PCDHGA12: variants seen among roughly 807,000 people sequenced by gnomAD.
PCDHGA12 encodes protocadherin gamma-A12.
Under a neutral mutation model 61.1 loss-of-function variants are expected in PCDHGA12, and 43 were observed. The ratio of observed to expected loss-of-function variants is 0.70; its 90% CI spans 0.55 to 0.91. PCDHGA12 has a LOEUF of 0.91. Ranked by LOEUF, PCDHGA12 falls within the 40% of genes least tolerant of loss-of-function variation. The pLI is 0.00. For missense variants in PCDHGA12, 1,236 were observed against 1,227.7 expected, an observed-to-expected ratio of 1.01 and a Z score of -0.10; for synonymous variants, 520 against 542.9, an observed-to-expected ratio of 0.96 and a Z score of 0.59.
rs369886570 is a variant in PCDHGA12 at position 141,487,839 on chromosome 5, G to A, written c.2425-6968G>A. ...GGGGGCGGGTCATGCCTATATCTGAGTAAGAAATGAAAGTAATTGGTGATC... is the reference window on the plus strand; with the variant it reads ...GGGGGCGGGTCATGCCTATATCTGAATAAGAAATGAAAGTAATTGGTGATC... On this transcript the variant is annotated intron_variant, in intron 1 of 3. Transcript: ENST00000252085. The surrounding 1 kb of genome is among the most constrained non-coding windows in gnomAD (Gnocchi z 5.0). The A allele has an allele frequency of 2.7e-6, 3 of 1,103,412 alleles. No homozygotes were observed. Among genetic ancestry groups the A allele is most frequent in the African/African-American group, 1.6e-5 (1 of 63,054 alleles). The allele number at this position is 1,103,412 out of a possible 1,614,324, so 68.4% of individuals were successfully genotyped here.
In PCDHGA12 at chr5:141,489,720, G is replaced by A. The variant is rs560729125; in HGVS notation, c.2425-5087G>A. ...TCCCACTGGACAGTGCCCAGGATCC[G>A]GATGTGGGCACCAATACTGTGAGCT... On this transcript the variant is annotated intron_variant, in intron 1 of 3. Transcript: ENST00000252085. The surrounding 1 kb of genome is among the most constrained non-coding windows in gnomAD (Gnocchi z 4.5). The A allele has an allele frequency of 3.2e-5, 51 of 1,614,200 alleles. No individual in the cohort carries two copies. The highest frequency in any genetic ancestry group is 9.3e-5 in the African/African-American group (7 of 75,048).
intron 1 of PCDHGA12, among the ~76,000 whole-genome samples, chr5:141,443,695 A>G (rs1324985529): frequency 1.3e-5 from 2 of 152,272 alleles, no homozygotes; most frequent in Non-Finnish European, 2.9e-5. Context: ...TTCAAAAATT[A>G]TAGAATAACA....
In PCDHGA12 at chr5:141,512,088, A is replaced by G. The variant is rs192947391; in HGVS notation, c.*915A>G. 2.6e-5 allele frequency: 4 copies of G among 152,772 alleles called. No individual in the cohort carries two copies. Among genetic ancestry groups the G allele is most frequent in the Admixed American group, 6.5e-5 (1 of 15,306 alleles). 9.5% of individuals were successfully genotyped at this position (152,772 alleles called of 1,614,324 possible). On this transcript the variant is annotated 3_prime_UTR_variant, in exon 4 of 4. Transcript: ENST00000252085. ...TCCTCCAGATTCCAGCCATAAACCAATAACTAGGCTGGACCCTTCCCACTA... is the reference window on the plus strand; with the variant it reads ...TCCTCCAGATTCCAGCCATAAACCAGTAACTAGGCTGGACCCTTCCCACTA...
chr5:141,494,903 G>A (rs760748707), intron 2 of PCDHGA12, 38 bp downstream of exon 2: 39 of 1,613,894 alleles, frequency 2.4e-5, no homozygotes, highest in Non-Finnish European at 3.1e-5. Context: ...TCTTCTCTGC[G>A]GCATTTTCTC....
In PCDHGA12 at chr5:141,433,837, CA is replaced by C. The variant is rs56191208; in HGVS notation, c.2424+672del. ...GGGCAACAAGAGTGAAACTCTATCT[CA>C]AAAAAAAAAAAAAAAAACTTTATCC... On this transcript the variant is annotated intron_variant, in intron 1 of 3. Coordinates refer to ENST00000252085, the MANE Select transcript of PCDHGA12 (RefSeq NM_003735.3). Among the ~76,000 whole-genome samples, 895 of 111,670 alleles carry C rather than the reference CA, an allele frequency of 8.0e-3. 6 individuals carry two copies. Among genetic ancestry groups the C allele is most frequent in the South Asian group, 0.02 (67 of 3,288 alleles). The allele number at this position is 111,670 out of a possible 152,430, so 73.3% of individuals were successfully genotyped here. A position where few individuals can be genotyped will look rare whatever the true frequency, so the allele number is the denominator to read the frequency against.
rs1222348421 is a variant in PCDHGA12, at chr5:141,511,044, C to T, written c.2670C>T (p.Asp890=). 1 of 1,614,128 alleles carries T rather than the reference C, an allele frequency of 6.2e-7. No homozygotes were observed. The highest frequency in any genetic ancestry group is 1.3e-5 in the African/African-American group (1 of 74,940). ...GPQFTLQHVP[D]YRQNVYIPGS... is the part of the protein sequence containing the mutation. ...AGTTCACCCTGCAGCACGTGCCCGA[C>T]TACCGCCAGAATGTCTACATCCCAG... The change falls in exon 4 of 4, where the codon GAC becomes GAT. Residue 890 remains aspartate, a synonymous_variant. Coordinates refer to ENST00000252085, the MANE Select transcript of PCDHGA12 (RefSeq NM_003735.3).
intron 1 of PCDHGA12, among the ~76,000 whole-genome samples, chr5:141,462,993 T>A (rs1350208420): frequency 1.3e-5 from 2 of 152,164 alleles, no homozygotes; most frequent in African/African-American, 4.8e-5. Flanking sequence ...TTGGGCTAAT[T>A]TAGACCTACC....
At chr5:141,483,743 C>G (rs1360515518) in intron 1 of PCDHGA12, among the ~76,000 whole-genome samples, 2 of 152,022 alleles carry the variant, frequency 1.3e-5, no homozygotes, top group Non-Finnish European at 2.9e-5. Context: ...AAAGGATATT[C>G]CTGAGGATCG....
At chr5:141,448,305 A>C (rs910461420) in intron 1 of PCDHGA12, among the ~76,000 whole-genome samples, 1 of 152,092 alleles carries the variant, frequency 6.6e-6, no homozygotes, top group East Asian at 1.9e-4. Context: ...TTAATATCTC[A>C]AGGAATCTTT....
rs1221295650 is a variant in PCDHGA12 at position 141,489,576 on chromosome 5, C to A, written c.2425-5231C>A. 3 of 1,613,936 alleles carry A rather than the reference C, an allele frequency of 1.9e-6. No individual in the cohort carries two copies. Among genetic ancestry groups the A allele is most frequent in the Non-Finnish European group, 2.5e-6 (3 of 1,179,984 alleles). ...TGCCAGTGCAGGTGGTGACTGAACA[C>A]CCCCTGGAGCTAATCCGTGTAGAGG... On this transcript the variant is annotated intron_variant, in intron 1 of 3. Transcript: ENST00000252085. This position sits in a 1 kb window ranked among gnomAD's most constrained non-coding sequence, Gnocchi z 4.5.
At chr5:141,459,632 A>G (rs1202000974) in intron 1 of PCDHGA12, among the ~76,000 whole-genome samples, 1 of 152,214 alleles carries the variant, frequency 6.6e-6, no homozygotes, top group East Asian at 1.9e-4. Flanking sequence ...AAGCTGCCAA[A>G]CTATTTTTCA....
At position 141,431,510 on chromosome 5, in the gene PCDHGA12, G is replaced by T; in HGVS notation, c.751G>T (p.Val251Phe). Residue 251 changes from valine (V) to phenylalanine (F), a missense_variant, in exon 1 of 4, where the codon GTT becomes TTT. Transcript: ENST00000252085. The surrounding 1 kb of genome is among the most constrained non-coding windows in gnomAD (Gnocchi z 4.8). ...TGCTCAGCCCGAGTACCGCGCGAGC[G>T]TTCCGGAGAATCTGGCCTTGGGCAC... ...AFAQPEYRAS[V>F]PENLALGTQL... 1 of 1,614,022 alleles carries T rather than the reference G, an allele frequency of 6.2e-7. No individual in the cohort carries two copies. Among genetic ancestry groups the T allele is most frequent in the Non-Finnish European group, 8.5e-7 (1 of 1,180,026 alleles).
chr5:141,487,848 G>C lies in PCDHGA12; in HGVS notation c.2425-6959G>C. ...TCATGCCTATATCTGAGTAAGAAAT[G>C]AAAGTAATTGGTGATCAAGAGCCAG... is the stretch of plus-strand genomic sequence containing the variant. On this transcript the variant is annotated intron_variant, in intron 1 of 3. Coordinates refer to ENST00000252085, the MANE Select transcript of PCDHGA12 (RefSeq NM_003735.3). The surrounding 1 kb of genome is among the most constrained non-coding windows in gnomAD (Gnocchi z 5.0). 1 of 1,022,244 alleles carries C rather than the reference G, an allele frequency of 9.8e-7. No homozygotes were observed. The highest frequency in any genetic ancestry group is 1.4e-6 in the Non-Finnish European group (1 of 711,992). The allele number at this position is 1,022,244 out of a possible 1,614,324, so 63.3% of individuals were successfully genotyped here. A position where few individuals can be genotyped will look rare whatever the true frequency, so the allele number is the denominator to read the frequency against.
Position 141,489,492 on chromosome 5 carries a change from G to T in PCDHGA12, c.2425-5315G>T, listed in dbSNP as rs1258376136. On this transcript the variant is annotated intron_variant, in intron 1 of 3. Coordinates refer to ENST00000252085, the MANE Select transcript of PCDHGA12 (RefSeq NM_003735.3). The surrounding 1 kb of genome is among the most constrained non-coding windows in gnomAD (Gnocchi z 4.5). ...CCCTGAGCTTGATGAGTGGTGCCCT[G>T]GCAGTGAATCAAAAGATTGACCGAG... 1 of 1,614,042 alleles carries T rather than the reference G, an allele frequency of 6.2e-7. No individual in the cohort carries two copies. The highest frequency in any genetic ancestry group is 1.1e-5 in the South Asian group (1 of 91,078).
chr5:141,507,483 T>G (rs2099860964), intron 3 of PCDHGA12, among the ~76,000 whole-genome samples: 1 of 152,184 alleles, frequency 6.6e-6, no homozygotes, highest in South Asian at 2.1e-4. Context: ...GCTGGCCTCC[T>G]GAGGCAGAGC....
Position 141,489,592 on chromosome 5 carries a change from C to T in PCDHGA12, c.2425-5215C>T, listed in dbSNP as rs747085985. 1.3e-5 allele frequency: 21 copies of T among 1,613,928 alleles called. No individual in the cohort carries two copies. The East Asian group carries it at 1.6e-4, about 12-fold the overall frequency. ...GACTGAACACCCCCTGGAGCTAATC[C>T]GTGTAGAGGTAGAGATCCTGGATCT... is the stretch of plus-strand genomic sequence containing the variant. On this transcript the variant is annotated intron_variant, in intron 1 of 3. Transcript: ENST00000252085. This position sits in a 1 kb window ranked among gnomAD's most constrained non-coding sequence, Gnocchi z 4.5.
At chr5:141,497,212 G>C (rs968445663) in intron 2 of PCDHGA12, among the ~76,000 whole-genome samples, 2 of 151,018 alleles carry the variant, frequency 1.3e-5, no homozygotes, top group East Asian at 3.9e-4. Context: ...AGTGTAATGG[G>C]GGGGGGAAGA....
intron 3 of PCDHGA12, among the ~76,000 whole-genome samples, chr5:141,506,189 G>A (rs529165145): frequency 3.6e-4 from 55 of 152,262 alleles, no homozygotes; most frequent in African/African-American, 1.1e-3. Flanking sequence ...GGTGGCTCAC[G>A]CCTGTAATCC....
chr5:141,460,924 A>ATATATG (rs1561985817), intron 1 of PCDHGA12, among the ~76,000 whole-genome samples: 1 of 150,496 alleles, frequency 6.6e-6, no homozygotes, highest in African/African-American at 2.4e-5. Flanking sequence ...ATATATATAT[A>ATATATG]TGTGTGTGTG....
Sources: gnomAD v4.1 joint callset for allele counts (sites outside exome capture counted in the v4.1 genomes callset) on GRCh38, gnomAD v4.1.1 for gene constraint, Gnocchi (gnomAD v3.1) non-coding constraint, MANE v1.5 for transcripts, NCBI Gene and HGNC (gene_info 2026-07-23, HGNC 2026-07-21) for gene names.